Variants in DSCAML1 observed in about 807,000 individuals in gnomAD.
DSCAML1 encodes DS cell adhesion molecule like 1, also known as cell adhesion molecule DSCAML1.
A neutral mutation model predicts 200.5 loss-of-function variants in DSCAML1; 38 were observed. The observed-to-expected ratio is 0.19, with a 90% CI of 0.15 to 0.25. The LOEUF (loss-of-function observed/expected upper bound fraction) is 0.25. Among genes scored for constraint, DSCAML1 ranks in the 10% least tolerant of loss-of-function variants. The pLI, the probability that DSCAML1 is intolerant of heterozygous loss-of-function variation, is 1.00. For missense variants in DSCAML1, 2,223 were observed against 2,858.8 expected (o/e 0.78, Z 5.07); for synonymous variants, 1,215 against 1,165.0 (o/e 1.04, Z -0.87).
intron 3 of DSCAML1, among the ~76,000 whole-genome samples, chr11:117,762,755 G>A (rs10892170): frequency 0.8 from 122,133 of 151,818 alleles, 52,715 homozygotes; most frequent in South Asian, 0.98. Flanking sequence ...CCCAGATGCT[G>A]TGGAGGCTGA....
At chr11:117,713,530 A>G (rs2053891195) in intron 3 of DSCAML1, among the ~76,000 whole-genome samples, 1 of 152,160 alleles carries the variant, frequency 6.6e-6, no homozygotes, top group African/African-American at 2.4e-5. Context: ...TGGAATGACC[A>G]CAATTTCCCA....
chr11:117,555,302 G>A (rs931309756), intron 3 of DSCAML1, among the ~76,000 whole-genome samples: 5 of 152,242 alleles, frequency 3.3e-5, no homozygotes, highest in Admixed American at 2.0e-4. Context: ...GACCCCTGGT[G>A]CCTGTGTATC....
intron 3 of DSCAML1, among the ~76,000 whole-genome samples, chr11:117,547,913 ACT>A (rs1220387620): frequency 6.6e-5 from 10 of 151,468 alleles, no homozygotes; most frequent in African/African-American, 1.9e-4. Flanking sequence ...TGCTCATGAC[ACT>A]CTCCCACCCC....
At chr11:117,791,955 G>A (rs1304344267) in intron 1 of DSCAML1, among the ~76,000 whole-genome samples, 2 of 152,234 alleles carry the variant, frequency 1.3e-5, no homozygotes, top group Non-Finnish European at 2.9e-5. Flanking sequence ...GGGGCTCAGA[G>A]AGGCCCAAAG....
chr11:117,597,511 C>T lies in DSCAML1; in HGVS notation c.512-64989G>A, dbSNP rs552911484. Among the ~76,000 whole-genome samples the T allele has an allele frequency of 1.1e-4, 16 of 152,318 alleles. No individual in the cohort carries two copies. In the South Asian group the frequency reaches 1.2e-3, roughly 12 times the overall value. On this transcript the variant is annotated intron_variant, in intron 3 of 32. Transcript: ENST00000651296. The stretch of plus-strand genomic sequence containing the variant: ...TCACCCAGGCTGGAGTGCAATGGCA[C>T]GATCTGAGCTCACTGCAACCTCCAC...
chr11:117,482,310 C>T, intron 11 of DSCAML1, 148 bp from the exon 12 acceptor site: 1 of 894,710 alleles, frequency 1.1e-6, no homozygotes, highest in South Asian at 1.7e-5. Context: ...ACTGGCCTGT[C>T]CCTTCTCCCA....
At chr11:117,433,587 T>C (rs2047848963) in intron 27 of DSCAML1, 116 bp from the exon 28 acceptor site, 1 of 1,145,134 alleles carries the variant, frequency 8.7e-7, no homozygotes. Context: ...CCAGGGCTGG[T>C]CTCCTAAGAA....
At chr11:117,464,068 T>C (rs943577663) in intron 17 of DSCAML1, among the ~76,000 whole-genome samples, 3 of 152,124 alleles carry the variant, frequency 2.0e-5, no homozygotes, top group African/African-American at 7.2e-5. Context: ...GTGAAACGCT[T>C]GGTCTCCTGA....
At chr11:117,578,183 C>T (rs1003986671) in intron 3 of DSCAML1, among the ~76,000 whole-genome samples, 3 of 134,036 alleles carry the variant, frequency 2.2e-5, no homozygotes, top group Admixed American at 8.1e-5. Flanking sequence ...TGCAGTGAGC[C>T]GAGATTGTGC....
chr11:117,697,708 T>C (rs2053607502), intron 3 of DSCAML1, among the ~76,000 whole-genome samples: 2 of 152,130 alleles, frequency 1.3e-5, no homozygotes. Flanking sequence ...CTTTTGTGAC[T>C]GGCTCATTTC....
chr11:117,653,528 T>C (rs1044578226), intron 3 of DSCAML1, among the ~76,000 whole-genome samples: 3 of 152,066 alleles, frequency 2.0e-5, no homozygotes, highest in African/African-American at 7.2e-5. Context: ...GGCTAGCCCA[T>C]GAGCTAGGTG....
intron 3 of DSCAML1, among the ~76,000 whole-genome samples, chr11:117,606,877 CAGA>C (rs771471128): frequency 1.2e-4 from 18 of 152,200 alleles, no homozygotes; most frequent in Non-Finnish European, 2.6e-4. Context: ...CAGTAGGCCA[CAGA>C]AGGAGGGTGA....
chr11:117,526,947 G>A (rs1349724375), intron 4 of DSCAML1, among the ~76,000 whole-genome samples: 9 of 152,032 alleles, frequency 5.9e-5, no homozygotes, highest in Non-Finnish European at 1.2e-4. Context: ...AGACCAGCCC[G>A]GGCAACACAG....
rs527721493 is a variant in DSCAML1, at chr11:117,613,836, C to A, written c.512-81314G>T. On this transcript the variant is annotated intron_variant, in intron 3 of 32. Transcript: ENST00000651296. The stretch of plus-strand genomic sequence containing the variant: ...GCAGGGTTGGGGGTGTGGGAGCAGA[C>A]CCCTGCAGAGCTCAGAGGTCTTGGC... 1.5e-4 allele frequency among the ~76,000 whole-genome samples: 23 copies of A among 152,242 alleles called. No individual in the cohort carries two copies. In the South Asian group the frequency reaches 4.4e-3, roughly 29 times the overall value.
At chr11:117,497,011 C>T (rs1322713257) in intron 11 of DSCAML1, among the ~76,000 whole-genome samples, 1 of 152,180 alleles carries the variant, frequency 6.6e-6, no homozygotes, top group Non-Finnish European at 1.5e-5. Context: ...TTGGTTCAGG[C>T]TTATCTTCAT....
At chr11:117,813,787 G>T (rs545217344) in intron 1 of DSCAML1, among the ~76,000 whole-genome samples, 4 of 152,066 alleles carry the variant, frequency 2.6e-5, no homozygotes, top group African/African-American at 4.8e-5. Flanking sequence ...GAAGCAGCCC[G>T]GAGAAACATC....
intron 3 of DSCAML1, among the ~76,000 whole-genome samples, chr11:117,644,372 T>C (rs886645344): frequency 6.6e-6 from 1 of 152,234 alleles, no homozygotes; most frequent in Admixed American, 6.5e-5. Context: ...CTGTGCTCAC[T>C]TTTCCTGAGA....
At chr11:117,725,976 A>G (rs1212144499) in intron 3 of DSCAML1, among the ~76,000 whole-genome samples, 1 of 152,120 alleles carries the variant, frequency 6.6e-6, no homozygotes, top group East Asian at 1.9e-4. Context: ...TCCCCACCAT[A>G]TTGAGTGACA....
rs553698764 is a variant in DSCAML1 at position 117,438,493 on chromosome 11, A to G, written c.4243+392T>C. 2.0e-5 allele frequency among the ~76,000 whole-genome samples: 3 copies of G among 152,228 alleles called. No homozygotes were observed. In the South Asian group the frequency reaches 6.2e-4, roughly 32 times the overall value. ...AGCACCTGGGGCGTGTTAGAAAGGCAGGTCCTCAGCCCCAGCCCAGAGCGC... is the reference window on the plus strand; with the variant it reads ...AGCACCTGGGGCGTGTTAGAAAGGCGGGTCCTCAGCCCCAGCCCAGAGCGC... On this transcript the variant is annotated intron_variant, in intron 24 of 32. Coordinates refer to ENST00000651296, the MANE Select transcript of DSCAML1 (RefSeq NM_020693.4).
Sources: allele counts gnomAD v4.1 joint callset (sites outside exome capture counted in the v4.1 genomes callset), GRCh38; gene constraint gnomAD v4.1.1; transcripts MANE v1.5; gene names NCBI Gene and HGNC (gene_info 2026-07-23, HGNC 2026-07-21).